GPC5: variants seen among roughly 807,000 people sequenced by gnomAD.
GPC5 encodes the protein glypican-5.
A neutral mutation model predicts 53.9 loss-of-function variants in GPC5; 47 were observed. That is an observed-to-expected ratio of 0.87 (90% CI 0.69 to 1.11). GPC5 has a LOEUF of 1.11. Among genes scored for constraint, GPC5 ranks in the 50% most tolerant of loss-of-function variants. The pLI is 0.00. For synonymous variants in GPC5, 286 were observed against 263.3 expected (o/e 1.09, Z -0.84); for missense variants, 748 against 713.1 (o/e 1.05, Z -0.56).
intron 7 of GPC5, among the ~76,000 whole-genome samples, chr13:92,200,484 T>TA (rs1252641522): frequency 6.6e-6 from 1 of 152,206 alleles, no homozygotes. Flanking sequence ...TTGGCTCACA[T>TA]AAAACTATAC....
intron 4 of GPC5, among the ~76,000 whole-genome samples, chr13:91,732,656 G>A (rs919283574): frequency 2.0e-5 from 3 of 152,034 alleles, no homozygotes; most frequent in Non-Finnish European, 4.4e-5. Context: ...ATGGTTTGGG[G>A]TTTTACATTT....
At chr13:91,443,456 G>C (rs559248581) in intron 1 of GPC5, among the ~76,000 whole-genome samples, 1 of 152,238 alleles carries the variant, frequency 6.6e-6, no homozygotes, top group East Asian at 1.9e-4. Context: ...ATAAATTTCT[G>C]TTGTTTAAGC....
At chr13:92,321,140 A>C (rs550555481) in intron 7 of GPC5, among the ~76,000 whole-genome samples, 1 of 152,304 alleles carries the variant, frequency 6.6e-6, no homozygotes, top group East Asian at 1.9e-4. Flanking sequence ...CAAGATGCCA[A>C]TTTAAAAATC....
intron 5 of GPC5, among the ~76,000 whole-genome samples, chr13:91,900,821 G>T (rs1214094907): frequency 1.3e-5 from 2 of 152,008 alleles, no homozygotes; most frequent in Non-Finnish European, 2.9e-5. Context: ...TTTTACGTGT[G>T]CAGTCATTAG....
intron 6 of GPC5, among the ~76,000 whole-genome samples, chr13:91,951,725 T>C (rs1429212554): frequency 6.6e-6 from 1 of 152,128 alleles, no homozygotes; most frequent in Non-Finnish European, 1.5e-5. Flanking sequence ...GGAATAAAAT[T>C]AGAGGTGTGT....
chr13:92,038,669 T>C (rs2040916502), intron 6 of GPC5, among the ~76,000 whole-genome samples: 1 of 121,518 alleles, frequency 8.2e-6, no homozygotes, highest in Non-Finnish European at 1.8e-5. Context: ...TTAGTACAAA[T>C]CTATATAGAT....
intron 7 of GPC5, among the ~76,000 whole-genome samples, chr13:92,503,434 C>A (rs1406822512): frequency 6.6e-6 from 1 of 151,232 alleles, no homozygotes; most frequent in African/African-American, 2.4e-5. Context: ...AATGCTTACA[C>A]AAAAAGAAGA....
intron 7 of GPC5, among the ~76,000 whole-genome samples, chr13:92,184,860 C>T (rs1243523937): frequency 3.3e-5 from 5 of 151,890 alleles, no homozygotes; most frequent in African/African-American, 9.7e-5. Context: ...ATTCAAAGAC[C>T]ACCAAAACTA....
Position 91,693,408 on chromosome 13 carries a change from G to A in GPC5, c.547G>A (p.Val183Met), listed in dbSNP as rs1324682163. The part of the protein sequence containing the change: ...LVYNHLINPG[V>M]TDSSLEYSEC... The stretch of plus-strand genomic sequence containing the variant: ...CTACAACCACCTCATTAACCCTGGT[G>A]TGACTGACAGTTCCCTGGAATACTC... The change falls in exon 3 of 8, where the codon GTG becomes ATG. Residue 183 changes from valine to methionine, a missense_variant. By Grantham distance (21) the Val-to-Met change is conservative. Coordinates refer to ENST00000377067, the MANE Select transcript of GPC5 (RefSeq NM_004466.6). 6.2e-7 allele frequency: 1 copy of A among 1,614,008 alleles called. No individual in the cohort carries two copies. The highest frequency in any genetic ancestry group is 8.5e-7 in the Non-Finnish European group (1 of 1,180,004).
At chr13:92,733,012 C>A (rs1392503642) in intron 7 of GPC5, among the ~76,000 whole-genome samples, 2 of 151,646 alleles carry the variant, frequency 1.3e-5, no homozygotes. Context: ...CATTCAATTT[C>A]TTTCTGCTGT....
chr13:91,699,018 A>G (rs923290456), intron 3 of GPC5, among the ~76,000 whole-genome samples: 1 of 152,244 alleles, frequency 6.6e-6, no homozygotes, highest in African/African-American at 2.4e-5. Flanking sequence ...CCTGGGTTAA[A>G]GAAAGGACAT....
rs535998936 is a variant in GPC5, at chr13:92,580,220, G to A, written c.1562-286062G>A. Among the ~76,000 whole-genome samples, 3 of 152,282 alleles carry A rather than the reference G, an allele frequency of 2.0e-5. No homozygotes were observed. The East Asian group carries it at 5.8e-4, about 29-fold the overall frequency. On this transcript the variant is annotated intron_variant, in intron 7 of 7. Transcript: ENST00000377067. ...CATAAAGATATCTCAAGAATCGAAT[G>A]ACCCATGTTGAGCAAAATTTCAGGC...
chr13:91,399,308 G>A (rs1015495383), intron 1 of GPC5, 99 bp downstream of exon 1: 37 of 1,393,140 alleles, frequency 2.7e-5, no homozygotes, highest in Non-Finnish European at 3.3e-5. Flanking sequence ...ATGACCTTTC[G>A]GGCCCTGCAG....
At chr13:92,654,281 A>G (rs907041803) in intron 7 of GPC5, among the ~76,000 whole-genome samples, 1 of 152,172 alleles carries the variant, frequency 6.6e-6, no homozygotes, top group African/African-American at 2.4e-5. Flanking sequence ...AAAAACTGTT[A>G]TCTTCCCTTA....
intron 7 of GPC5, chr13:92,241,924 A>G (rs2042614693): frequency 6.6e-6 from 1 of 152,104 alleles, no homozygotes. Flanking sequence ...AAAGAAAAGA[A>G]GTAGAAGAAT....
intron 7 of GPC5, among the ~76,000 whole-genome samples, chr13:92,537,373 A>G (rs1475964241): frequency 1.3e-5 from 2 of 152,178 alleles, no homozygotes; most frequent in Non-Finnish European, 2.9e-5. Context: ...TAACTGCACC[A>G]TATAGCTCAA....
At chr13:92,030,651 G>C (rs933336436) in intron 6 of GPC5, among the ~76,000 whole-genome samples, 3 of 152,084 alleles carry the variant, frequency 2.0e-5, no homozygotes, top group Non-Finnish European at 4.4e-5. Context: ...CTCTGCCACT[G>C]TATCTAGTAG....
Position 91,556,747 on chromosome 13 carries a change from C to T in GPC5, c.325+107825C>T, listed in dbSNP as rs2030978268. 2.0e-5 allele frequency among the ~76,000 whole-genome samples: 3 copies of T among 151,844 alleles called. No homozygotes were observed. In the South Asian group the frequency reaches 6.2e-4, roughly 31 times the overall value. The stretch of plus-strand genomic sequence containing the variant: ...AAAAACCAAACGTTGTATGTTCTCA[C>T]TCATAAGTGGGAGCTAAGCTATGAG... On this transcript the variant is annotated intron_variant, in intron 2 of 7. Transcript: ENST00000377067.
intron 5 of GPC5, among the ~76,000 whole-genome samples, chr13:91,883,770 T>C (rs2039292573): frequency 6.6e-6 from 1 of 151,988 alleles, no homozygotes. Context: ...CATTGAAAGA[T>C]TTTTTTTATT....
Sources: gnomAD v4.1 joint callset for allele counts (sites outside exome capture counted in the v4.1 genomes callset) on GRCh38, gnomAD v4.1.1 for gene constraint, MANE v1.5 for transcripts, NCBI Gene and HGNC (gene_info 2026-07-23, HGNC 2026-07-21) for gene names.